C10orf71: variants seen among roughly 807,000 people sequenced by gnomAD.
The protein encoded by C10orf71 is cardiac-enriched FHL2-interacting protein.
For synonymous variants in C10orf71, 758 were observed against 726.3 expected, an observed-to-expected ratio of 1.04 and a Z score of -0.70; for missense variants, 1,869 against 1,804.5, an observed-to-expected ratio of 1.04 and a Z score of -0.65.
At chr10:49,314,884 A>G (rs1848973559) in intron 1 of C10orf71, among the ~76,000 whole-genome samples, 1 of 152,142 alleles carries the variant, frequency 6.6e-6, no homozygotes, top group Admixed American at 6.5e-5. Flanking sequence ...AAGATAACCC[A>G]ATTCAGAGCA....
chr10:49,306,672 A>G (rs1314071041), intron 1 of C10orf71, among the ~76,000 whole-genome samples: 1 of 152,204 alleles, frequency 6.6e-6, no homozygotes, highest in Non-Finnish European at 1.5e-5. Context: ...TAGAAAGTCT[A>G]TTGGGAGCAC....
rs768901415 is a variant in C10orf71, at chr10:49,326,722, A to C, written c.4177A>C (p.Thr1393Pro). Residue 1393 changes from threonine (T) to proline (P), a missense_variant, in exon 3 of 3, where the codon ACC becomes CCC. Physicochemically the swap from Thr to Pro is conservative, Grantham distance 38. Coordinates refer to ENST00000374144, the MANE Select transcript of C10orf71 (RefSeq NM_001135196.2). ...QLDPGPHGDCTPHSAGQRPHG... is the reference protein window; with the variant it reads ...QLDPGPHGDCPPHSAGQRPHG... ...GGACCCAGGGCCTCACGGTGACTGC[A>C]CCCCGCACTCTGCAGGCCAGCGCCC... 6.2e-5 allele frequency: 96 copies of C among 1,550,978 alleles called. 1 individual carries two copies. The South Asian group carries it at 9.2e-4, about 15-fold the overall frequency.
chr10:49,321,348 C>A (rs1849090727), intron 2 of C10orf71, among the ~76,000 whole-genome samples: 1 of 152,174 alleles, frequency 6.6e-6, no homozygotes, highest in African/African-American at 2.4e-5. Context: ...TTTCTCTTAA[C>A]AAAATGTCCT....
At chr10:49,302,784 G>C (rs978319601) in intron 1 of C10orf71, among the ~76,000 whole-genome samples, 1 of 152,168 alleles carries the variant, frequency 6.6e-6, no homozygotes, top group Non-Finnish European at 1.5e-5. Flanking sequence ...CTTCACCCCA[G>C]CTCCTCAGGA....
chr10:49,326,956 C>CAT lies in C10orf71; in HGVS notation c.*104_*105insTA, dbSNP rs1554861502. ...ACACACACACACACACACACACACA[C>CAT]ACACACGATCATCAACACATACTTA... On this transcript the variant is annotated 3_prime_UTR_variant, in exon 3 of 3. Coordinates refer to ENST00000374144, the MANE Select transcript of C10orf71 (RefSeq NM_001135196.2). 4 of 1,587,168 alleles carry CAT rather than the reference C, an allele frequency of 2.5e-6. No homozygotes were observed. Among genetic ancestry groups the CAT allele is most frequent in the African/African-American group, 2.7e-5 (2 of 73,878 alleles).
rs556783319 is a variant in C10orf71, at chr10:49,323,643, C to A, written c.1098C>A (p.Pro366=). 6.2e-7 allele frequency: 1 copy of A among 1,606,938 alleles called. No individual in the cohort carries two copies. The highest frequency in any genetic ancestry group is 2.2e-5 in the East Asian group (1 of 44,832). Residue 366 remains proline, a synonymous_variant, in exon 3 of 3, where the codon CCC becomes CCA. Coordinates refer to ENST00000374144, the MANE Select transcript of C10orf71 (RefSeq NM_001135196.2). ...AQVFAVEGKA[P]SSQPDSQEKP... is the part of the protein sequence containing the mutation. The stretch of plus-strand genomic sequence containing the variant: ...TATTTGCTGTGGAAGGAAAAGCTCC[C>A]AGCTCACAACCTGATTCTCAAGAGA...
chr10:49,323,445 C>A lies in C10orf71; in HGVS notation c.900C>A (p.Ser300Arg). 1 of 1,614,012 alleles carries A rather than the reference C, an allele frequency of 6.2e-7. No homozygotes were observed. The highest frequency in any genetic ancestry group is 8.5e-7 in the Non-Finnish European group (1 of 1,179,884). ...ACACAGCTGGAACCGTCCCAGAAAG[C>A]AAAGCTCCCAAGCACTATGGGGACA... ...RKDTAGTVPE[S>R]KAPKHYGDTT... The change falls in exon 3 of 3, where the codon AGC becomes AGA. Residue 300 changes from serine (S) to arginine (R), a missense_variant. Transcript: ENST00000374144.
chr10:49,325,718 A>T lies in C10orf71; in HGVS notation c.3173A>T (p.Asn1058Ile). The change falls in exon 3 of 3, where the codon AAC (asparagine) becomes ATC (isoleucine). Residue 1058 changes from asparagine to isoleucine, a missense_variant. By Grantham distance (149) the Asn-to-Ile change is moderately radical. Transcript: ENST00000374144. ...LVPSERANSPNPGSPGESSAC... is the reference protein window; with the variant it reads ...LVPSERANSPIPGSPGESSAC... Reference sequence around the variant, plus strand: ...CCCAGTGAGAGGGCGAATTCCCCCAACCCCGGCTCCCCCGGGGAGAGCAGT... The same window carrying T: ...CCCAGTGAGAGGGCGAATTCCCCCATCCCCGGCTCCCCCGGGGAGAGCAGT... 6.4e-7 allele frequency: 1 copy of T among 1,551,476 alleles called. No individual in the cohort carries two copies. Among genetic ancestry groups the T allele is most frequent in the East Asian group, 2.4e-5 (1 of 40,886 alleles).
intron 1 of C10orf71, among the ~76,000 whole-genome samples, chr10:49,310,525 A>C (rs1187991502): frequency 6.6e-6 from 1 of 152,184 alleles, no homozygotes; most frequent in Non-Finnish European, 1.5e-5. Context: ...GGCACTGAGC[A>C]ACATCCTGCA....
intron 1 of C10orf71, among the ~76,000 whole-genome samples, chr10:49,307,690 C>T (rs1230941310): frequency 6.6e-6 from 1 of 152,226 alleles, no homozygotes; most frequent in African/African-American, 2.4e-5. Context: ...AGAAATTAGC[C>T]AGTGCTACAA....
chr10:49,306,498 G>A (rs1019988932), intron 1 of C10orf71, among the ~76,000 whole-genome samples: 1 of 152,336 alleles, frequency 6.6e-6, no homozygotes, highest in South Asian at 2.1e-4. Context: ...AGGGCAAGAT[G>A]TTCCTAGGAA....
At chr10:49,321,055 T>G (rs887471761) in intron 2 of C10orf71, among the ~76,000 whole-genome samples, 3 of 151,974 alleles carry the variant, frequency 2.0e-5, no homozygotes, top group African/African-American at 7.3e-5. Flanking sequence ...TTATTTATTA[T>G]TTGTGTATGT....
intron 2 of C10orf71, among the ~76,000 whole-genome samples, chr10:49,319,330 G>T (rs142789407): frequency 6.6e-6 from 1 of 150,752 alleles, no homozygotes; most frequent in Non-Finnish European, 1.5e-5. Flanking sequence ...CCACCAGGAT[G>T]GGTACTTTCA....
chr10:49,324,835 G>A lies in C10orf71; in HGVS notation c.2290G>A (p.Asp764Asn). ...CAGGAGGAAGGATGTGAGTGCAGGT[G>A]ACAGTCAGAAGGATGAGAAGGAGAA... ...EDRRKDVSAG[D>N]SQKDEKENVM... Residue 764 changes from aspartate to asparagine, a missense_variant, in exon 3 of 3, where the codon GAC (aspartate) becomes AAC (asparagine). Asp to Asn is a conservative substitution (Grantham distance 23). Coordinates refer to ENST00000374144, the MANE Select transcript of C10orf71 (RefSeq NM_001135196.2). The A allele has an allele frequency of 6.4e-7, 1 of 1,552,016 alleles. No homozygotes were observed. Among genetic ancestry groups the A allele is most frequent in the Non-Finnish European group, 8.7e-7 (1 of 1,147,068 alleles).
intron 1 of C10orf71, among the ~76,000 whole-genome samples, chr10:49,315,815 G>A (rs1255522514): frequency 6.6e-6 from 1 of 152,212 alleles, no homozygotes; most frequent in Non-Finnish European, 1.5e-5. Flanking sequence ...CAGAACTTTG[G>A]GAGGCCAAGG....
At position 49,311,301 on chromosome 10, in the gene C10orf71, G is replaced by A. The variant is rs145393721; in HGVS notation, c.-247-4844G>A. On this transcript the variant is annotated intron_variant, in intron 1 of 2. Transcript: ENST00000374144. Reference sequence around the variant, plus strand: ...GTGAGTCTTCTCCCCTACACTTCCCGTCCTTACAACCTGGGACACATGAGG... The same window carrying A: ...GTGAGTCTTCTCCCCTACACTTCCCATCCTTACAACCTGGGACACATGAGG... Among the ~76,000 whole-genome samples the A allele has an allele frequency of 6.4e-4, 97 of 152,316 alleles. No homozygotes were observed. In the East Asian group the frequency reaches 0.013, roughly 20 times the overall value.
chr10:49,323,025 C>T lies in C10orf71; in HGVS notation c.480C>T (p.Ser160=), dbSNP rs1337779405. 6.2e-7 allele frequency: 1 copy of T among 1,613,888 alleles called. No individual in the cohort carries two copies. Among genetic ancestry groups the T allele is most frequent in the Non-Finnish European group, 8.5e-7 (1 of 1,179,906 alleles). The part of the protein sequence containing the change: ...FDRTESQRCE[S]RPTASKPPAL... Reference sequence around the variant, plus strand: ...GGACCGAGAGCCAACGTTGTGAGAGCAGGCCCACTGCCAGCAAGCCTCCGG... The same window carrying T: ...GGACCGAGAGCCAACGTTGTGAGAGTAGGCCCACTGCCAGCAAGCCTCCGG... Residue 160 remains serine (S), a synonymous_variant, in exon 3 of 3, where the codon AGC becomes AGT. Transcript: ENST00000374144.
At chr10:49,313,866 A>C (rs1164257257) in intron 1 of C10orf71, among the ~76,000 whole-genome samples, 1 of 152,208 alleles carries the variant, frequency 6.6e-6, no homozygotes, top group African/African-American at 2.4e-5. Flanking sequence ...GACTGCAGCC[A>C]GGCAAATGGC....
intron 1 of C10orf71, among the ~76,000 whole-genome samples, chr10:49,311,107 T>A (rs1222733869): frequency 6.6e-6 from 1 of 151,086 alleles, no homozygotes; most frequent in Non-Finnish European, 1.5e-5. Context: ...CTGTGAGACA[T>A]GGAATATCTG....
Sources: gnomAD v4.1 joint callset for allele counts (sites outside exome capture counted in the v4.1 genomes callset) on GRCh38, gnomAD v4.1.1 for gene constraint, MANE v1.5 for transcripts, NCBI Gene and HGNC (gene_info 2026-07-23, HGNC 2026-07-21) for gene names.